FHIT: variants seen among roughly 807,000 people sequenced by gnomAD.
FHIT encodes bis(5'-adenosyl)-triphosphatase.
FHIT carries 19 observed loss-of-function variants against 17.9 expected under a neutral mutation model. The observed-to-expected ratio is 1.06, with a 90% CI of 0.74 to 1.56. The LOEUF (loss-of-function observed/expected upper bound fraction) is 1.56, where lower values mean the gene tolerates loss of function less well. FHIT is among the 40% of genes most tolerant of loss of function. The pLI is 0.00. For synonymous variants in FHIT, 81 were observed against 69.7 expected (o/e 1.16, Z -0.81); for missense variants, 248 against 189.2 (o/e 1.31, Z -1.82).
intron 1 of FHIT, among the ~76,000 whole-genome samples, chr3:61,210,404 G>A (rs1469735438): frequency 6.6e-6 from 1 of 152,228 alleles, no homozygotes; most frequent in East Asian, 1.9e-4. Flanking sequence ...GCCCCCAGAG[G>A]TGGAGCCTAC....
In FHIT at chr3:60,796,703, TC is replaced by T. The variant is rs554321496; in HGVS notation, c.-18+25215del. On this transcript the variant is annotated intron_variant, in intron 4 of 9. Coordinates refer to ENST00000492590, the MANE Select transcript of FHIT (RefSeq NM_002012.4). Reference sequence around the variant, plus strand: ...GTCAAGCAATTCCCCTGCCTCAGCCTCCTTCATAGCTGAGATTACAGGTGTG... The same window carrying T: ...GTCAAGCAATTCCCCTGCCTCAGCCTCTTCATAGCTGAGATTACAGGTGTG... Among the ~76,000 whole-genome samples, 29 of 152,262 alleles carry T rather than the reference TC, an allele frequency of 1.9e-4. 1 individual carries two copies. In the South Asian group the frequency reaches 5.8e-3, roughly 30 times the overall value.
chr3:60,980,644 G>C (rs980147974), intron 3 of FHIT, among the ~76,000 whole-genome samples: 3 of 152,144 alleles, frequency 2.0e-5, no homozygotes, highest in Admixed American at 2.0e-4. Flanking sequence ...CTCAGGAAAA[G>C]ATGGGGGAAT....
intron 8 of FHIT, among the ~76,000 whole-genome samples, chr3:59,768,811 T>A (rs1701930154): frequency 6.6e-6 from 1 of 152,262 alleles, no homozygotes; most frequent in Admixed American, 6.5e-5. Context: ...GTAAACCATA[T>A]GATATACTAG....
At chr3:60,283,677 T>C (rs1464176497) in intron 5 of FHIT, among the ~76,000 whole-genome samples, 1 of 152,124 alleles carries the variant, frequency 6.6e-6, no homozygotes. Flanking sequence ...TTTCTTTCTT[T>C]CTAACAATCA....
At chr3:60,906,977 C>T (rs11927658) in intron 3 of FHIT, among the ~76,000 whole-genome samples, 35,173 of 151,966 alleles carry the variant, frequency 0.23, 4,276 homozygotes, top group Middle Eastern at 0.31. Flanking sequence ...TAAGAAACAA[C>T]GTCAGCCCAG....
At chr3:61,048,895 T>G (rs9852481) in intron 2 of FHIT, among the ~76,000 whole-genome samples, 1 of 151,840 alleles carries the variant, frequency 6.6e-6, no homozygotes, top group Non-Finnish European at 1.5e-5. Context: ...AAAAACCGCA[T>G]GTTCTCACTC....
rs552388862 is a variant in FHIT at position 60,807,557 on chromosome 3, C to T, written c.-18+14362G>A. ...GAGCCATGATTGTGCCACTGCACCC[C>T]AGCCTGGGCAGCAAAGAGATACTCT... On this transcript the variant is annotated intron_variant, in intron 4 of 9. Coordinates refer to ENST00000492590, the MANE Select transcript of FHIT (RefSeq NM_002012.4). 5.3e-5 allele frequency among the ~76,000 whole-genome samples: 8 copies of T among 152,262 alleles called. No individual in the cohort carries two copies. The South Asian group carries it at 1.2e-3, about 24-fold the overall frequency.
chr3:59,761,383 T>C (rs560829936), intron 8 of FHIT, among the ~76,000 whole-genome samples: 1 of 152,278 alleles, frequency 6.6e-6, no homozygotes, highest in South Asian at 2.1e-4. Context: ...TCCCCCTTCT[T>C]CACCCAGTGG....
chr3:60,567,996 T>C (rs2037203424), intron 4 of FHIT, among the ~76,000 whole-genome samples: 1 of 152,200 alleles, frequency 6.6e-6, no homozygotes. Context: ...AGGAACACTT[T>C]ACAGTGTTGG....
chr3:60,099,273 G>A (rs962659240), intron 5 of FHIT, among the ~76,000 whole-genome samples: 11 of 152,112 alleles, frequency 7.2e-5, no homozygotes, highest in Admixed American at 1.3e-4. Flanking sequence ...TTTAACATCT[G>A]AAATGATTCA....
Position 61,248,841 on chromosome 3 carries a change from C to T in FHIT, c.-213+2460G>A, listed in dbSNP as rs1488390198. Among the ~76,000 whole-genome samples, 4 of 152,180 alleles carry T rather than the reference C, an allele frequency of 2.6e-5. No homozygotes were observed. The South Asian group carries it at 6.2e-4, about 24-fold the overall frequency. Reference sequence around the variant, plus strand: ...CCAGAAACCTGCCTTCTTGCAGAAACGGGATACTTTTGACATGAGGGCATG... The same window carrying T: ...CCAGAAACCTGCCTTCTTGCAGAAATGGGATACTTTTGACATGAGGGCATG... On this transcript the variant is annotated intron_variant, in intron 1 of 9. Transcript: ENST00000492590.
At chr3:60,987,905 T>C (rs888933961) in intron 3 of FHIT, among the ~76,000 whole-genome samples, 1 of 152,234 alleles carries the variant, frequency 6.6e-6, no homozygotes, top group Admixed American at 6.5e-5. Flanking sequence ...TGATTTACTA[T>C]ATCTGATTGC....
At chr3:60,342,848 T>C (rs1710593510) in intron 5 of FHIT, among the ~76,000 whole-genome samples, 1 of 152,190 alleles carries the variant, frequency 6.6e-6, no homozygotes, top group South Asian at 2.1e-4. Flanking sequence ...TACTGGCTTT[T>C]TAAGCAAGTT....
At chr3:61,049,811 T>C (rs965369203) in intron 2 of FHIT, among the ~76,000 whole-genome samples, 1 of 152,126 alleles carries the variant, frequency 6.6e-6, no homozygotes, top group African/African-American at 2.4e-5. Context: ...CTGAAGCAGG[T>C]CATGAACCAA....
At chr3:60,423,211 A>G (rs897600649) in intron 5 of FHIT, among the ~76,000 whole-genome samples, 8 of 152,098 alleles carry the variant, frequency 5.3e-5, no homozygotes, top group Non-Finnish European at 1.2e-4. Flanking sequence ...AGAGTAGAGT[A>G]TAGATGGTAG....
chr3:61,157,261 G>C (rs1456738930), intron 2 of FHIT, among the ~76,000 whole-genome samples: 3 of 152,044 alleles, frequency 2.0e-5, no homozygotes, highest in Non-Finnish European at 2.9e-5. Flanking sequence ...TTTTTTTCAT[G>C]GTGGATGAAA....
At chr3:60,520,767 G>T (rs554445918) in intron 5 of FHIT, among the ~76,000 whole-genome samples, 6 of 152,220 alleles carry the variant, frequency 3.9e-5, no homozygotes, top group Admixed American at 1.3e-4. Flanking sequence ...TATGGTTAAT[G>T]AGAGTTGAGC....
At chr3:60,268,455 T>C (rs192298298) in intron 5 of FHIT, among the ~76,000 whole-genome samples, 3 of 152,322 alleles carry the variant, frequency 2.0e-5, no homozygotes, top group Admixed American at 1.3e-4. Flanking sequence ...ACAGAACTAG[T>C]TGCAACCCTA....
At chr3:60,013,043 C>T (rs1209194544) in intron 6 of FHIT, among the ~76,000 whole-genome samples, 1 of 152,096 alleles carries the variant, frequency 6.6e-6, no homozygotes, top group African/African-American at 2.4e-5. Context: ...CACATACACA[C>T]AAAGCATTTG....
Sources: allele counts gnomAD v4.1 joint callset (sites outside exome capture counted in the v4.1 genomes callset), GRCh38; gene constraint gnomAD v4.1.1; transcripts MANE v1.5; gene names NCBI Gene and HGNC (gene_info 2026-07-23, HGNC 2026-07-21).